The following MFHAS1 variants were observed in gnomAD, a reference collection of about 807,000 sequenced individuals.
MFHAS1 encodes the protein malignant fibrous histiocytoma-amplified sequence 1.
A neutral mutation model predicts 70.4 loss-of-function variants in MFHAS1; 50 were observed. That is an observed-to-expected ratio of 0.71 (90% CI 0.57 to 0.90). MFHAS1 has a LOEUF of 0.90. Among genes scored for constraint, MFHAS1 ranks in the 40% least tolerant of loss-of-function variants. MFHAS1 has a pLI of 0.00. For synonymous variants in MFHAS1, 952 were observed against 620.0 expected (o/e 1.54, Z -7.96); for missense variants, 1,795 against 1,347.6 (o/e 1.33, Z -5.20).
intron 1 of MFHAS1, among the ~76,000 whole-genome samples, chr8:8,832,539 T>C (rs951318066): frequency 6.6e-6 from 1 of 150,602 alleles, no homozygotes; most frequent in African/African-American, 2.4e-5. Context: ...CTTACGAAGA[T>C]ACACAACATA....
In MFHAS1 at chr8:8,893,418, C is replaced by T. The variant is rs1193567411; in HGVS notation, c.-360G>A. On this transcript the variant is annotated 5_prime_UTR_variant, in exon 1 of 3. Coordinates refer to ENST00000276282, the MANE Select transcript of MFHAS1 (RefSeq NM_004225.3). ...CCCGGCTCCGGCCCCGCTACCCTCG[C>T]AGCCGCGGTCCCGCGGCCGGCAGCG... The T allele has an allele frequency of 6.9e-6, 1 of 145,686 alleles. No homozygotes were observed. The highest frequency in any genetic ancestry group is 2.5e-5 in the African/African-American group (1 of 40,600). 9.0% of individuals were successfully genotyped at this position (145,686 alleles called of 1,614,324 possible).
chr8:8,868,877 G>A (rs191605052), intron 1 of MFHAS1, among the ~76,000 whole-genome samples: 4 of 152,162 alleles, frequency 2.6e-5, no homozygotes, highest in East Asian at 3.9e-4. Context: ...AAGAGAAAAA[G>A]GGAGAGGAAA....
intron 1 of MFHAS1, among the ~76,000 whole-genome samples, chr8:8,887,609 C>A (rs1450754664): frequency 6.7e-6 from 1 of 150,372 alleles, no homozygotes; most frequent in Non-Finnish European, 1.5e-5. Context: ...TAATCGTGCT[C>A]TAAAAACAAC....
At chr8:8,820,698 G>C (rs1217413530) in intron 1 of MFHAS1, among the ~76,000 whole-genome samples, 2 of 152,102 alleles carry the variant, frequency 1.3e-5, no homozygotes, top group East Asian at 3.9e-4. Context: ...CTTGGGGCTG[G>C]CTCCCGCTCT....
rs749486673 is a variant in MFHAS1 at position 8,893,035 on chromosome 8, G to A, written c.24C>T (p.Asn8=). MAGMDSG[N]LKTARLWRDA... is the part of the protein sequence containing the mutation. ...CCCGCCACAGCCTCGCGGTCTTCAG[G>A]TTGCCACTGTCCATCCCAGCCATGG... is the stretch of plus-strand genomic sequence containing the variant. Residue 8 remains asparagine, a synonymous_variant, in exon 1 of 3, where the codon AAC becomes AAT. Coordinates refer to ENST00000276282, the MANE Select transcript of MFHAS1 (RefSeq NM_004225.3). 2.6e-6 allele frequency: 4 copies of A among 1,529,482 alleles called. No homozygotes were observed. Among genetic ancestry groups the A allele is most frequent in the East Asian group, 2.6e-5 (1 of 38,376 alleles). The allele number at this position is 1,529,482 out of a possible 1,614,324, so 94.7% of individuals were successfully genotyped here. A position where few individuals can be genotyped will look rare whatever the true frequency, so the allele number is the denominator to read the frequency against.
intron 1 of MFHAS1, among the ~76,000 whole-genome samples, chr8:8,858,586 A>G (rs1808538352): frequency 6.6e-6 from 1 of 152,116 alleles, no homozygotes; most frequent in Non-Finnish European, 1.5e-5. Context: ...TACTCTCTTC[A>G]TTGTGGCGAT....
Position 8,784,474 on chromosome 8 carries a change from T to C in MFHAS1, c.*1548A>G, listed in dbSNP as rs1261107893. The C allele has an allele frequency of 1.3e-5, 2 of 152,248 alleles. No homozygotes were observed. Among genetic ancestry groups the C allele is most frequent in the African/African-American group, 4.8e-5 (2 of 41,462 alleles). The allele number at this position is 152,248 out of a possible 1,614,324, so 9.4% of individuals were successfully genotyped here. A position where few individuals can be genotyped will look rare whatever the true frequency, so the allele number is the denominator to read the frequency against. On this transcript the variant is annotated 3_prime_UTR_variant, in exon 3 of 3. Transcript: ENST00000276282. ...TTTATCATCATAAGAAATCATTCTC[T>C]GAACTGCAGGTTCTGGAGTCAGTGA...
At chr8:8,788,136 A>G (rs1805614567) in intron 2 of MFHAS1, among the ~76,000 whole-genome samples, 2 of 152,178 alleles carry the variant, frequency 1.3e-5, no homozygotes, top group South Asian at 4.1e-4. Context: ...TTTCAATTAT[A>G]ATTAGACTCT....
At chr8:8,877,623 C>G (rs1456346906) in intron 1 of MFHAS1, among the ~76,000 whole-genome samples, 1 of 152,136 alleles carries the variant, frequency 6.6e-6, no homozygotes, top group Non-Finnish European at 1.5e-5. Context: ...TGAAAGTGAC[C>G]AGCAGCACGC....
chr8:8,851,942 G>C (rs533586593), intron 1 of MFHAS1, among the ~76,000 whole-genome samples: 1 of 152,192 alleles, frequency 6.6e-6, no homozygotes, highest in African/African-American at 2.4e-5. Flanking sequence ...TGAAGCTTAA[G>C]TGTAAATCTG....
At chr8:8,854,750 A>G (rs1398081911) in intron 1 of MFHAS1, among the ~76,000 whole-genome samples, 1 of 152,164 alleles carries the variant, frequency 6.6e-6, no homozygotes, top group African/African-American at 2.4e-5. Flanking sequence ...CACATGGAAC[A>G]TATTTACACT....
chr8:8,850,290 A>G (rs1001415357), intron 1 of MFHAS1, among the ~76,000 whole-genome samples: 1 of 152,248 alleles, frequency 6.6e-6, no homozygotes, highest in Admixed American at 6.5e-5. Context: ...AAATAGCTTA[A>G]CATGTCTGTG....
intron 1 of MFHAS1, among the ~76,000 whole-genome samples, chr8:8,883,962 C>T (rs534111273): frequency 6.7e-6 from 1 of 149,896 alleles, no homozygotes; most frequent in South Asian, 2.1e-4. Context: ...TTTTGGGAGG[C>T]TGAGTGGGGA....
intron 1 of MFHAS1, among the ~76,000 whole-genome samples, chr8:8,822,333 C>T (rs1026603114): frequency 1.3e-5 from 2 of 152,136 alleles, no homozygotes; most frequent in Non-Finnish European, 2.9e-5. Flanking sequence ...AGCGAGTCCT[C>T]AGGGAGAGGG....
chr8:8,790,962 G>A (rs1805699604), intron 2 of MFHAS1, among the ~76,000 whole-genome samples: 1 of 152,112 alleles, frequency 6.6e-6, no homozygotes, highest in Admixed American at 6.6e-5. Context: ...GAATTTAGTG[G>A]GGATCTTGCT....
In MFHAS1 at chr8:8,850,542, T is replaced by G. The variant is rs193294864; in HGVS notation, c.2998+39519A>C. On this transcript the variant is annotated intron_variant, in intron 1 of 2. Coordinates refer to ENST00000276282, the MANE Select transcript of MFHAS1 (RefSeq NM_004225.3). Reference sequence around the variant, plus strand: ...AAGCCACAGAGTTTATTAGTAAATATAAAATCAGAACACCCAGGGTCGGGT... The same window carrying G: ...AAGCCACAGAGTTTATTAGTAAATAGAAAATCAGAACACCCAGGGTCGGGT... Among the ~76,000 whole-genome samples the G allele has an allele frequency of 2.1e-3, 320 of 152,188 alleles. 1 individual carries two copies. The highest frequency in any genetic ancestry group is 3.4e-3 in the Non-Finnish European group (231 of 67,996).
intron 1 of MFHAS1, among the ~76,000 whole-genome samples, chr8:8,866,595 G>A (rs924390881): frequency 6.6e-6 from 1 of 152,148 alleles, no homozygotes; most frequent in Non-Finnish European, 1.5e-5. Flanking sequence ...TGGGATTACA[G>A]GCATGAGCCA....
At chr8:8,788,965 G>A (rs1278711421) in intron 2 of MFHAS1, among the ~76,000 whole-genome samples, 1 of 152,200 alleles carries the variant, frequency 6.6e-6, no homozygotes, top group Non-Finnish European at 1.5e-5. Context: ...GTTTGAACTT[G>A]AGCCTGTGAT....
intron 1 of MFHAS1, among the ~76,000 whole-genome samples, chr8:8,879,776 A>T (rs988575299): frequency 4.6e-5 from 7 of 152,140 alleles, no homozygotes; most frequent in African/African-American, 1.4e-4. Flanking sequence ...CAGGTATTTT[A>T]TTTTCCTAGA....
Sources: allele counts gnomAD v4.1 joint callset (sites outside exome capture counted in the v4.1 genomes callset), GRCh38; gene constraint gnomAD v4.1.1; transcripts MANE v1.5; gene names NCBI Gene and HGNC (gene_info 2026-07-23, HGNC 2026-07-21).